Variants in INSYN2A observed in about 807,000 individuals in gnomAD.
INSYN2A encodes family with sequence similarity 196 member A.
In INSYN2A, 17 loss-of-function variants were observed where a neutral mutation model predicts 39.4. The ratio of observed to expected loss-of-function variants is 0.43; its 90% CI spans 0.30 to 0.65. The LOEUF (loss-of-function observed/expected upper bound fraction) is 0.65. Among genes scored for constraint, INSYN2A ranks in the 30% least tolerant of loss-of-function variants. The probability of loss-of-function intolerance (pLI) is 0.14; values close to 1 mark genes in which losing one functional copy is unlikely to be tolerated. For synonymous variants in INSYN2A, 255 were observed against 265.7 expected (o/e 0.96, Z 0.39); for missense variants, 595 against 631.2 (o/e 0.94, Z 0.61).
In INSYN2A at chr10:127,175,330, C is replaced by T. The variant is rs774263831; in HGVS notation, c.1066G>A (p.Val356Ile). The change falls in exon 4 of 6, where the codon GTC (valine) becomes ATC (isoleucine). Residue 356 changes from valine to isoleucine, a missense_variant. This residue lies in a region of INSYN2A where 117 missense variants were observed against 163.8 expected (regional missense o/e 0.71). Transcript: ENST00000522781. This position sits in a 1 kb window ranked among gnomAD's most constrained non-coding sequence, Gnocchi z 6.3. ...ATCTGAAGTTGTGCTTTGAGGTCGA[C>T]CACTTCCGTATGAGGCACGATTCGT... ...CQRIVPHTEV[V>I]DLKAQLQMME... 2.5e-6 allele frequency: 4 copies of T among 1,614,168 alleles called. No homozygotes were observed. Among genetic ancestry groups the T allele is most frequent in the Non-Finnish European group, 3.4e-6 (4 of 1,180,048 alleles).
At position 127,160,757 on chromosome 10, in the gene INSYN2A, C is replaced by T. The variant is rs74158628; in HGVS notation, c.1185-6834G>A. Reference sequence around the variant, plus strand: ...AGATATAAAAAAGGCATGGTCTCTGCTCTCAAAGAAAATGTTTTTGCCGTT... The same window carrying T: ...AGATATAAAAAAGGCATGGTCTCTGTTCTCAAAGAAAATGTTTTTGCCGTT... On this transcript the variant is annotated intron_variant, in intron 4 of 5. Transcript: ENST00000522781. Among the ~76,000 whole-genome samples, 477 of 152,326 alleles carry T rather than the reference C, an allele frequency of 3.1e-3. 4 individuals are homozygous for T. The highest frequency in any genetic ancestry group is 0.011 in the African/African-American group (458 of 41,578).
intron 5 of INSYN2A, among the ~76,000 whole-genome samples, chr10:127,139,902 A>T (rs2051060956): frequency 6.6e-6 from 1 of 152,244 alleles, no homozygotes; most frequent in Admixed American, 6.5e-5. Flanking sequence ...CACTAATCTT[A>T]TAATGGAAAC....
At chr10:127,190,536 C>T (rs2056643717) in intron 2 of INSYN2A, among the ~76,000 whole-genome samples, 1 of 96,426 alleles carries the variant, frequency 1.0e-5, no homozygotes, top group Admixed American at 1.0e-4. Context: ...ATCGCTTCAT[C>T]CAATTTCCTC....
intron 5 of INSYN2A, among the ~76,000 whole-genome samples, chr10:127,143,386 G>A (rs1211219350): frequency 6.6e-6 from 1 of 152,162 alleles, no homozygotes; most frequent in Non-Finnish European, 1.5e-5. Context: ...GTCTTCCCCA[G>A]TGCTAACCGT....
At chr10:127,177,916 C>T (rs1004008072) in intron 2 of INSYN2A, among the ~76,000 whole-genome samples, 7 of 152,206 alleles carry the variant, frequency 4.6e-5, no homozygotes, top group African/African-American at 1.7e-4. Context: ...TTTTCGGTGT[C>T]ACACAGGAAA....
chr10:127,195,917 C>A (rs539353821), intron 1 of INSYN2A, 80 bp downstream of exon 1: 2 of 152,346 alleles, frequency 1.3e-5, no homozygotes, highest in Middle Eastern at 3.4e-3. Context: ...GGGTCGGCGC[C>A]CGTCCCAGCG....
At chr10:127,138,615 T>C (rs1256364582) in intron 5 of INSYN2A, among the ~76,000 whole-genome samples, 1 of 152,128 alleles carries the variant, frequency 6.6e-6, no homozygotes, top group East Asian at 1.9e-4. Context: ...GTCAACACCA[T>C]TGAACGGTAC....
intron 1 of INSYN2A, 119 bp downstream of exon 1, chr10:127,195,877 GT>G (rs1250326401): frequency 1.3e-5 from 2 of 152,300 alleles, no homozygotes; most frequent in Non-Finnish European, 2.9e-5. Context: ...GGCCAAGCCG[GT>G]TTGGGGCCGA....
intron 5 of INSYN2A, among the ~76,000 whole-genome samples, chr10:127,143,085 TTG>T (rs1402349881): frequency 6.6e-6 from 1 of 152,176 alleles, no homozygotes; most frequent in Non-Finnish European, 1.5e-5. Flanking sequence ...TATTCTCTGT[TTG>T]TCTCATGCTC....
intron 4 of INSYN2A, among the ~76,000 whole-genome samples, chr10:127,171,364 C>T (rs2054553098): frequency 6.6e-6 from 1 of 152,212 alleles, no homozygotes; most frequent in South Asian, 2.1e-4. Context: ...TTACAATAAA[C>T]ATGTTCTAAG....
At chr10:127,193,270 G>A (rs1046049409) in intron 1 of INSYN2A, among the ~76,000 whole-genome samples, 1 of 152,228 alleles carries the variant, frequency 6.6e-6, no homozygotes. Context: ...TATCTGGGGA[G>A]TTTTTATGAC....
intron 5 of INSYN2A, among the ~76,000 whole-genome samples, chr10:127,151,329 A>G (rs2052467260): frequency 6.6e-6 from 1 of 152,100 alleles, no homozygotes; most frequent in Non-Finnish European, 1.5e-5. Context: ...TGAAATAAAG[A>G]CTTTGGGAGG....
At chr10:127,147,333 C>T (rs896632885) in intron 5 of INSYN2A, among the ~76,000 whole-genome samples, 31 of 152,146 alleles carry the variant, frequency 2.0e-4, no homozygotes, top group African/African-American at 4.8e-4. Flanking sequence ...TTGTTCCTAA[C>T]GCCGTAGCCT....
At chr10:127,185,520 A>G (rs917419603) in intron 2 of INSYN2A, among the ~76,000 whole-genome samples, 1 of 152,212 alleles carries the variant, frequency 6.6e-6, no homozygotes, top group Admixed American at 6.5e-5. Flanking sequence ...AACACTATAC[A>G]TCACAGTATC....
Position 127,176,482 on chromosome 10 carries a change from A to T in INSYN2A, c.-5-82T>A, listed in dbSNP as rs1374046961. 7.1e-6 allele frequency: 8 copies of T among 1,127,834 alleles called. No homozygotes were observed. Among genetic ancestry groups the T allele is most frequent in the Non-Finnish European group, 8.8e-6 (7 of 793,202 alleles). The allele number at this position is 1,127,834 out of a possible 1,614,324, so 69.9% of individuals were successfully genotyped here. ...CCGGCCGCACAAACTTTTAGCCACCACGACGACTGCCTGTTTCCTAATTAT... is the reference window on the plus strand; with the variant it reads ...CCGGCCGCACAAACTTTTAGCCACCTCGACGACTGCCTGTTTCCTAATTAT... On this transcript the variant is annotated intron_variant, in intron 3 of 5. Transcript: ENST00000522781. The surrounding 1 kb of genome is among the most constrained non-coding windows in gnomAD (Gnocchi z 4.4).
chr10:127,179,071 C>A (rs2055465180), intron 2 of INSYN2A, among the ~76,000 whole-genome samples: 1 of 152,134 alleles, frequency 6.6e-6, no homozygotes, highest in Non-Finnish European at 1.5e-5. Flanking sequence ...AGCATTTTTA[C>A]AAAAAGCAAT....
At chr10:127,154,011 CA>C in intron 4 of INSYN2A, 88 bp from the exon 5 acceptor site, 1 of 853,334 alleles carries the variant, frequency 1.2e-6, no homozygotes, top group Non-Finnish European at 2.0e-6. Flanking sequence ...AATGCCTTCC[CA>C]ATGCCAAGCT....
At chr10:127,139,032 G>A (rs548189607) in intron 5 of INSYN2A, among the ~76,000 whole-genome samples, 12 of 152,110 alleles carry the variant, frequency 7.9e-5, no homozygotes, top group Non-Finnish European at 1.2e-4. Flanking sequence ...CCCTCCTTGG[G>A]ACCTCTGCGT....
At chr10:127,152,586 A>C (rs1055453182) in intron 5 of INSYN2A, among the ~76,000 whole-genome samples, 1 of 152,146 alleles carries the variant, frequency 6.6e-6, no homozygotes, top group Non-Finnish European at 1.5e-5. Context: ...CACTATTGAC[A>C]TTTGGGACTG....
Sources: allele counts gnomAD v4.1 joint callset (sites outside exome capture counted in the v4.1 genomes callset), GRCh38; gene constraint gnomAD v4.1.1; regional missense constraint gnomAD v4.1.1; non-coding constraint Gnocchi (gnomAD v3.1); transcripts MANE v1.5; gene names NCBI Gene and HGNC (gene_info 2026-07-23, HGNC 2026-07-21).